The following MAP4K4 variants were observed in gnomAD, a reference collection of about 807,000 sequenced individuals.
MAP4K4 encodes HPK/GCK-like kinase HGK.
MAP4K4 carries 38 observed loss-of-function variants against 189.6 expected under a neutral mutation model. The observed-to-expected ratio is 0.20, with a 90% CI of 0.15 to 0.26. The LOEUF (loss-of-function observed/expected upper bound fraction) is 0.26. Among genes scored for constraint, MAP4K4 ranks in the 10% least tolerant of loss-of-function variants. MAP4K4 has a pLI of 1.00. For missense variants in MAP4K4, 1,054 were observed against 1,726.9 expected (o/e 0.61, Z 6.91); for synonymous variants, 610 against 624.3 (o/e 0.98, Z 0.34).
At chr2:101,869,757 G>T (rs1238607737) in exon 22 of MAP4K4, 1 of 1,586,192 alleles carries the variant, frequency 6.3e-7, no homozygotes, top group Non-Finnish European at 8.6e-7. Flanking sequence ...GCAGGAAGGG[G>T]CTGACGAGTC....
chr2:101,816,053 C>A (rs1051162372), intron 3 of MAP4K4, among the ~76,000 whole-genome samples: 1 of 152,218 alleles, frequency 6.6e-6, no homozygotes, highest in African/African-American at 2.4e-5. Context: ...CTCCTCAACT[C>A]AGAGACTCCT....
intron 3 of MAP4K4, among the ~76,000 whole-genome samples, chr2:101,796,190 C>T (rs759886930): frequency 6.6e-6 from 1 of 152,120 alleles, no homozygotes; most frequent in Non-Finnish European, 1.5e-5. Context: ...CTCAGCCACT[C>T]GGGCATAGGA....
In MAP4K4 at chr2:101,874,111, G is replaced by C. The variant is rs765630872; in HGVS notation, c.3100G>C (p.Glu1034Gln). ...ATTTTCCTGTGATGGGATGAGACCA[G>C]AAGCCATAAGGCAAGATCCTACCCG... The change falls in exon 26 of 33, where the codon GAA (glutamate) becomes CAA (glutamine). Residue 1034 changes from glutamate to glutamine, a missense_variant. Coordinates refer to ENST00000324219, the Ensembl canonical transcript of MAP4K4. The C allele has an allele frequency of 6.2e-6, 10 of 1,613,116 alleles. No individual in the cohort carries two copies. The East Asian group carries it at 2.2e-4, about 36-fold the overall frequency.
intron 7 of MAP4K4, among the ~76,000 whole-genome samples, chr2:101,832,584 A>G (rs2096622434): frequency 6.6e-6 from 1 of 152,228 alleles, no homozygotes; most frequent in Non-Finnish European, 1.5e-5. Flanking sequence ...CTTAAAATAG[A>G]TAACCGACTT....
chr2:101,715,891 C>G (rs1043077575), intron 2 of MAP4K4, among the ~76,000 whole-genome samples: 8 of 152,122 alleles, frequency 5.3e-5, no homozygotes, highest in Non-Finnish European at 1.0e-4. Context: ...TGCCTGAGCT[C>G]CACCTCCTGT....
At chr2:101,706,014 C>G (rs1559021836) in intron 2 of MAP4K4, among the ~76,000 whole-genome samples, 1 of 152,164 alleles carries the variant, frequency 6.6e-6, no homozygotes, top group African/African-American at 2.4e-5. Flanking sequence ...AAAAACCCCA[C>G]TTTTACATTA....
At chr2:101,860,697 C>T (rs1355893949) in intron 15 of MAP4K4, 128 bp from the exon 16 acceptor site, 7 of 734,064 alleles carry the variant, frequency 9.5e-6, no homozygotes, top group Non-Finnish European at 1.5e-5. Flanking sequence ...CCAGCTACCC[C>T]TCTCTTTTCT....
At chr2:101,784,280 G>GTGTGTA (rs1192715346) in intron 2 of MAP4K4, among the ~76,000 whole-genome samples, 4 of 145,060 alleles carry the variant, frequency 2.8e-5, no homozygotes, top group African/African-American at 1.1e-4. Flanking sequence ...GTGTGTGTGT[G>GTGTGTA]TGTGTGTATG....
At chr2:101,868,062 C>T in intron 21 of MAP4K4, 25 bp downstream of exon 21, 1 of 1,609,874 alleles carries the variant, frequency 6.2e-7, no homozygotes, top group Non-Finnish European at 8.5e-7. Context: ...TGAAAAGTTC[C>T]ACTTCAGAGC....
At chr2:101,765,687 T>G (rs969164118) in intron 2 of MAP4K4, among the ~76,000 whole-genome samples, 18 of 152,218 alleles carry the variant, frequency 1.2e-4, no homozygotes, top group African/African-American at 4.3e-4. Flanking sequence ...AGGAAATCTA[T>G]CTTACTAGGA....
At chr2:101,763,570 C>T (rs565276087) in intron 2 of MAP4K4, among the ~76,000 whole-genome samples, 3 of 152,286 alleles carry the variant, frequency 2.0e-5, no homozygotes, top group East Asian at 3.9e-4. Flanking sequence ...CAAATGTGCA[C>T]AAGTCCTCCT....
At chr2:101,737,218 G>A (rs2149690157) in intron 2 of MAP4K4, among the ~76,000 whole-genome samples, 1 of 152,010 alleles carries the variant, frequency 6.6e-6, no homozygotes, top group African/African-American at 2.4e-5. Flanking sequence ...TGGTGAGTGG[G>A]TGTGTGGTTT....
intron 28 of MAP4K4, among the ~76,000 whole-genome samples, chr2:101,884,418 T>C (rs1307639706): frequency 6.6e-6 from 1 of 152,236 alleles, no homozygotes; most frequent in African/African-American, 2.4e-5. Context: ...AATGTTCGTT[T>C]ATTGATTTAT....
At chr2:101,889,745 C>T (rs1403852550) in intron 32 of MAP4K4, among the ~76,000 whole-genome samples, 2 of 152,122 alleles carry the variant, frequency 1.3e-5, no homozygotes, top group African/African-American at 2.4e-5. Context: ...CCACCTTTTG[C>T]GTCACATTGA....
chr2:101,773,386 G>A (rs1558850473), intron 2 of MAP4K4, among the ~76,000 whole-genome samples: 1 of 152,248 alleles, frequency 6.6e-6, no homozygotes, highest in African/African-American at 2.4e-5. Context: ...CGAAGGCCCA[G>A]AGGCGACCTG....
chr2:101,745,438 TAAAAAAA>T (rs10678749), intron 2 of MAP4K4, among the ~76,000 whole-genome samples: 4 of 91,700 alleles, frequency 4.4e-5, no homozygotes, highest in African/African-American at 1.5e-4. Flanking sequence ...TGCCCCCAGG[TAAAAAAA>T]AAAAAAAAAA....
At chr2:101,869,333 C>T (rs1306467360) in intron 21 of MAP4K4, among the ~76,000 whole-genome samples, 1 of 151,752 alleles carries the variant, frequency 6.6e-6, no homozygotes, top group Non-Finnish European at 1.5e-5. Flanking sequence ...AACAGTAATA[C>T]TATCAGCTTA....
chr2:101,709,794 A>G (rs56781752), intron 2 of MAP4K4, among the ~76,000 whole-genome samples: 2,416 of 152,188 alleles, frequency 0.016, 73 homozygotes, highest in African/African-American at 0.055. Context: ...ATGATTTGCT[A>G]TGTGTTTTGG....
At chr2:101,867,065 C>T (rs1237949177) in intron 19 of MAP4K4, 147 bp from the exon 20 acceptor site, 17 of 602,212 alleles carry the variant, frequency 2.8e-5, no homozygotes, top group Non-Finnish European at 8.9e-6. Flanking sequence ...CTCCTTGGGC[C>T]CCCTCTGCTC....
Sources: allele counts gnomAD v4.1 joint callset (sites outside exome capture counted in the v4.1 genomes callset), GRCh38; gene constraint gnomAD v4.1.1; transcripts MANE v1.5; gene names NCBI Gene and HGNC (gene_info 2026-07-23, HGNC 2026-07-21).